NUP37: variants seen among roughly 807,000 people sequenced by gnomAD.
NUP37 encodes the protein nucleoporin Nup37.
In NUP37, 33 loss-of-function variants were observed where a neutral mutation model predicts 45.4. The ratio of observed to expected loss-of-function variants is 0.73; its 90% CI spans 0.55 to 0.97. The LOEUF (loss-of-function observed/expected upper bound fraction) is 0.97, where lower values mean the gene tolerates loss of function less well. Among genes scored for constraint, NUP37 ranks in the 50% least tolerant of loss-of-function variants. The pLI, the probability that NUP37 is intolerant of heterozygous loss-of-function variation, is 0.00. For missense variants in NUP37, 365 were observed against 389.7 expected (o/e 0.94, Z 0.53); for synonymous variants, 127 against 130.7 (o/e 0.97, Z 0.19).
chr12:102,113,070 C>T (rs1021870371), intron 2 of NUP37, among the ~76,000 whole-genome samples: 13 of 152,174 alleles, frequency 8.5e-5, no homozygotes, highest in East Asian at 1.9e-4. Flanking sequence ...AGCCATCTGT[C>T]GCTGGCAATG....
At position 102,076,782 on chromosome 12, in the gene NUP37, A is replaced by G. The variant is rs1224791694; in HGVS notation, c.773+15T>C. On this transcript the variant is annotated intron_variant, in intron 8 of 9. Transcript: ENST00000552283. ...AAAAGATCAAATCACAGCTCCAACA[A>G]AAACGGTACATTACCTGAATAAGCA... is the stretch of plus-strand genomic sequence containing the variant. 3 of 1,611,658 alleles carry G rather than the reference A, an allele frequency of 1.9e-6. No homozygotes were observed. Among genetic ancestry groups the G allele is most frequent in the Non-Finnish European group, 2.5e-6 (3 of 1,178,250 alleles).
At chr12:102,077,281 C>CT (rs747454259) in intron 7 of NUP37, 41 bp downstream of exon 7, 3 of 1,600,168 alleles carry the variant, frequency 1.9e-6, no homozygotes, top group Non-Finnish European at 8.6e-7. Context: ...CAGTTACTGC[C>CT]TTTTTTTGGT....
chr12:102,088,444 CAG>C (rs1448228015), intron 5 of NUP37, among the ~76,000 whole-genome samples: 1 of 152,038 alleles, frequency 6.6e-6, no homozygotes, highest in Admixed American at 6.6e-5. Flanking sequence ...AATCAAGAAA[CAG>C]AGTATTTCCA....
chr12:102,077,757 G>A (rs537590448), intron 6 of NUP37, among the ~76,000 whole-genome samples: 1 of 152,172 alleles, frequency 6.6e-6, no homozygotes, highest in Admixed American at 6.5e-5. Context: ...ATTAAAAAAA[G>A]TTATATAAAA....
Position 102,112,122 on chromosome 12 carries a change from C to A in NUP37, c.267G>T (p.Leu89Phe). ...AWSPETRLDS[L>F]PPVIKFCTSA... ...GTTAAACTTACTTGATTACTGGAGGCAATGAATCAAGTCTAGTCTCTGGGC... is the reference window on the plus strand; with the variant it reads ...GTTAAACTTACTTGATTACTGGAGGAAATGAATCAAGTCTAGTCTCTGGGC... Residue 89 changes from leucine to phenylalanine, a missense_variant, in exon 3 of 10, where the codon TTG (leucine) becomes TTT (phenylalanine). By Grantham distance (22) the Leu-to-Phe change is conservative. Coordinates refer to ENST00000552283, the MANE Select transcript of NUP37 (RefSeq NM_024057.4). The A allele has an allele frequency of 3.1e-6, 5 of 1,613,644 alleles. No homozygotes were observed. The highest frequency in any genetic ancestry group is 4.2e-6 in the Non-Finnish European group (5 of 1,179,734).
rs1053214337 is a variant in NUP37 at position 102,110,694 on chromosome 12, T to C, written c.281+1414A>G. Among the ~76,000 whole-genome samples the C allele has an allele frequency of 5.3e-5, 8 of 151,858 alleles. No homozygotes were observed. The South Asian group carries it at 1.5e-3, about 28-fold the overall frequency. The stretch of plus-strand genomic sequence containing the variant: ...CTGTCCCTACAAAAAATACCAAAAT[T>C]AGCCAGGCATGATGATGGGCGCCTA... On this transcript the variant is annotated intron_variant, in intron 3 of 9. Coordinates refer to ENST00000552283, the MANE Select transcript of NUP37 (RefSeq NM_024057.4).
chr12:102,077,293 TGTAATAGAC>T lies in NUP37; in HGVS notation c.722+20_722+28del, dbSNP rs1879199280. 6.2e-7 allele frequency: 1 copy of T among 1,609,946 alleles called. No homozygotes were observed. On this transcript the variant is annotated intron_variant, in intron 7 of 9. Coordinates refer to ENST00000552283, the MANE Select transcript of NUP37 (RefSeq NM_024057.4). ...CAACAGTTACTGCCTTTTTTTGGTG[TGTAATAGAC>T]AAACATATCAAGAAAGTACCTGGAC...
intron 3 of NUP37, among the ~76,000 whole-genome samples, chr12:102,103,448 C>A (rs1296132157): frequency 6.6e-6 from 1 of 152,098 alleles, no homozygotes; most frequent in Non-Finnish European, 1.5e-5. Context: ...TATCATGCAA[C>A]CTTACTGAAT....
intron 2 of NUP37, among the ~76,000 whole-genome samples, chr12:102,115,600 A>G (rs2136758063): frequency 6.6e-6 from 1 of 152,344 alleles, no homozygotes; most frequent in South Asian, 2.1e-4. Context: ...GCACTTAATG[A>G]AAATTTGACA....
chr12:102,092,464 G>T (rs577937884), intron 5 of NUP37, among the ~76,000 whole-genome samples: 15 of 152,270 alleles, frequency 9.9e-5, no homozygotes, highest in African/African-American at 3.4e-4. Context: ...TCTTAGACAA[G>T]AAACATATTT....
intron 1 of NUP37, among the ~76,000 whole-genome samples, chr12:102,118,813 T>A (rs2136771476): frequency 1.3e-5 from 2 of 152,370 alleles, no homozygotes; most frequent in Middle Eastern, 6.8e-3. Flanking sequence ...ACAATAACAC[T>A]GCAAAGTTCT....
rs1880555568 is a variant in NUP37, at chr12:102,118,523, T to C, written c.-5A>G. ...TCTTGAGGCATCTTGCTTCATCTTGTATGTCAAAATTCAAGCAGTTGTGAA... is the reference window on the plus strand; with the variant it reads ...TCTTGAGGCATCTTGCTTCATCTTGCATGTCAAAATTCAAGCAGTTGTGAA... On this transcript the variant is annotated 5_prime_UTR_variant, in exon 2 of 10. In the 5' UTR this introduces an upstream ATG that the reference lacks. Transcript: ENST00000552283. 17 of 1,605,234 alleles carry C rather than the reference T, an allele frequency of 1.1e-5. No individual in the cohort carries two copies. Among genetic ancestry groups the C allele is most frequent in the Non-Finnish European group, 1.4e-5 (17 of 1,177,510 alleles).
rs756370547 is a variant in NUP37 at position 102,101,024 on chromosome 12, C to T, written c.354+8G>A. Reference sequence around the variant, plus strand: ...AAGCTCTAAAGATTTATATGGTTGTCAACATACCTTATATTCATTTTTATC... The same window carrying T: ...AAGCTCTAAAGATTTATATGGTTGTTAACATACCTTATATTCATTTTTATC... On this transcript the variant is annotated splice_region_variant and intron_variant, in intron 4 of 9. Coordinates refer to ENST00000552283, the MANE Select transcript of NUP37 (RefSeq NM_024057.4). The T allele has an allele frequency of 3.4e-6, 5 of 1,456,782 alleles. No individual in the cohort carries two copies. Among genetic ancestry groups the T allele is most frequent in the Non-Finnish European group, 4.7e-6 (5 of 1,060,310 alleles). 90.2% of individuals were successfully genotyped at this position (1,456,782 alleles called of 1,614,324 possible).
intron 5 of NUP37, among the ~76,000 whole-genome samples, chr12:102,095,754 T>G (rs1292805744): frequency 2.6e-5 from 4 of 152,118 alleles, no homozygotes; most frequent in African/African-American, 9.6e-5. Context: ...ATTCCTATTT[T>G]GATTACCTGT....
Position 102,099,211 on chromosome 12 carries a change from G to A in NUP37, c.355-11C>T. On this transcript the variant is annotated splice_polypyrimidine_tract_variant and intron_variant, in intron 4 of 9. Coordinates refer to ENST00000552283, the MANE Select transcript of NUP37 (RefSeq NM_024057.4). ...ATGGCCCTCTAAAACCTGACAGAAA[G>A]AGAAACAGAAAGCTTAGCAAGAAAA... The A allele has an allele frequency of 3.8e-6, 6 of 1,578,922 alleles. No homozygotes were observed. Among genetic ancestry groups the A allele is most frequent in the Non-Finnish European group, 5.2e-6 (6 of 1,148,362 alleles).
chr12:102,079,923 C>T (rs900062765), intron 6 of NUP37, among the ~76,000 whole-genome samples: 13 of 152,042 alleles, frequency 8.6e-5, no homozygotes, highest in African/African-American at 2.4e-4. Flanking sequence ...GTGCTCCCTG[C>T]GTATGTCTGT....
rs150946077 is a variant in NUP37, at chr12:102,089,914, G to A, written c.450-4058C>T. 2.5e-3 allele frequency among the ~76,000 whole-genome samples: 384 copies of A among 152,176 alleles called. 2 individuals are homozygous for A. Among genetic ancestry groups the A allele is most frequent in the Non-Finnish European group, 4.7e-3 (322 of 68,002 alleles). On this transcript the variant is annotated intron_variant, in intron 5 of 9. Transcript: ENST00000552283. ...GTCACCAAGAATGCTGCTGTAAGCC[G>A]TCTTGCATATGTCTTTTAGTGAATA...
chr12:102,118,011 T>C (rs920027543), intron 2 of NUP37, among the ~76,000 whole-genome samples: 3 of 152,232 alleles, frequency 2.0e-5, no homozygotes, highest in African/African-American at 7.2e-5. Flanking sequence ...CATTAGCTGG[T>C]TTTGTATGTC....
intron 5 of NUP37, among the ~76,000 whole-genome samples, chr12:102,093,260 G>A (rs148099671): frequency 0.013 from 1,927 of 152,078 alleles, 18 homozygotes; most frequent in Non-Finnish European, 0.019. Flanking sequence ...ATGAAGCTTT[G>A]GGGAGGATAA....
Sources: gnomAD v4.1 joint callset for allele counts (sites outside exome capture counted in the v4.1 genomes callset) on GRCh38, gnomAD v4.1.1 for gene constraint, MANE v1.5 for transcripts, NCBI Gene and HGNC (gene_info 2026-07-23, HGNC 2026-07-21) for gene names.